LTBP1: variants seen among roughly 807,000 people sequenced by gnomAD.
LTBP1 encodes latent transforming growth factor beta binding protein 1.
Under a neutral mutation model 207.6 loss-of-function variants are expected in LTBP1, and 129 were observed. The ratio of observed to expected loss-of-function variants is 0.62; its 90% CI spans 0.54 to 0.72. LTBP1 has a LOEUF of 0.72. Among genes scored for constraint, LTBP1 ranks in the 30% least tolerant of loss-of-function variants. The pLI, the probability that LTBP1 is intolerant of heterozygous loss-of-function variation, is 0.00. For missense variants in LTBP1, 2,281 were observed against 2,217.2 expected, an observed-to-expected ratio of 1.03 and a Z score of -0.58; for synonymous variants, 963 against 833.7, an observed-to-expected ratio of 1.16 and a Z score of -2.67.
intron 2 of LTBP1, among the ~76,000 whole-genome samples, chr2:32,952,855 G>A (rs1445144870): frequency 6.6e-6 from 1 of 152,216 alleles, no homozygotes; most frequent in Non-Finnish European, 1.5e-5. Flanking sequence ...GGGGTAGAGG[G>A]AAGAGAGATG....
chr2:33,339,573 T>C (rs2094591825), intron 24 of LTBP1, among the ~76,000 whole-genome samples: 1 of 152,124 alleles, frequency 6.6e-6, no homozygotes, highest in African/African-American at 2.4e-5. Context: ...CAGAACAGAT[T>C]TATTGAGTGT....
intron 2 of LTBP1, among the ~76,000 whole-genome samples, chr2:33,001,111 A>G (rs1686013674): frequency 7.4e-6 from 1 of 134,462 alleles, no homozygotes; most frequent in South Asian, 2.6e-4. Flanking sequence ...CTGGCCCATG[A>G]TGCTAACTAT....
At position 33,134,573 on chromosome 2, in the gene LTBP1, G is replaced by C; in HGVS notation, c.1034-220G>C. 2 of 1,534,982 alleles carry C rather than the reference G, an allele frequency of 1.3e-6. No homozygotes were observed. The highest frequency in any genetic ancestry group is 1.8e-6 in the Non-Finnish European group (2 of 1,138,058). On this transcript the variant is annotated intron_variant, in intron 4 of 33. Transcript: ENST00000404816. The surrounding 1 kb of genome is among the most constrained non-coding windows in gnomAD (Gnocchi z 4.4). The stretch of plus-strand genomic sequence containing the variant: ...TGGAGTGCATCCCAGAGTTCTGTTT[G>C]CTAAGCTTCCTACTCCTGTTTCAGA...
chr2:33,144,154 C>T (rs1055726719), intron 5 of LTBP1, among the ~76,000 whole-genome samples: 7 of 151,856 alleles, frequency 4.6e-5, no homozygotes, highest in Admixed American at 4.6e-4. Flanking sequence ...CTTGGTGCTC[C>T]CTGTGCACCC....
At chr2:33,167,938 G>A (rs2148330904) in intron 5 of LTBP1, among the ~76,000 whole-genome samples, 1 of 152,316 alleles carries the variant, frequency 6.6e-6, no homozygotes, top group Admixed American at 6.5e-5. Context: ...GTGGTTTTCA[G>A]TTCAAATGAG....
chr2:33,250,062 C>T (rs2092637900), intron 10 of LTBP1, among the ~76,000 whole-genome samples: 1 of 152,136 alleles, frequency 6.6e-6, no homozygotes, highest in African/African-American at 2.4e-5. Context: ...ATAACAACAC[C>T]AATCACATCA....
At chr2:32,978,304 C>T (rs1028165317) in intron 2 of LTBP1, among the ~76,000 whole-genome samples, 2 of 152,044 alleles carry the variant, frequency 1.3e-5, no homozygotes, top group African/African-American at 4.8e-5. Context: ...GATCTTTTCC[C>T]CATTCATCAT....
rs1157677719 is a variant in LTBP1 at position 33,342,911 on chromosome 2, C to T, written c.3804C>T (p.Arg1268=). Residue 1268 remains arginine (R), a synonymous_variant, in exon 25 of 34, where the codon CGC becomes CGT. Transcript: ENST00000404816. ...GFCDNTAGSF[R]CLCYQGFQAP... is the part of the protein sequence containing the mutation. ...GTGACAATACAGCTGGCTCCTTCCG[C>T]TGCCTCTGTTATCAGGGCTTTCAAG... 3 of 1,614,126 alleles carry T rather than the reference C, an allele frequency of 1.9e-6. No homozygotes were observed. Among genetic ancestry groups the T allele is most frequent in the Non-Finnish European group, 2.5e-6 (3 of 1,179,958 alleles).
intron 3 of LTBP1, among the ~76,000 whole-genome samples, chr2:33,077,464 G>A (rs1558604211): frequency 1.3e-5 from 2 of 152,242 alleles, no homozygotes; most frequent in African/African-American, 2.4e-5. Flanking sequence ...GCTTTTACTC[G>A]TGGCAGAAGG....
intron 8 of LTBP1, among the ~76,000 whole-genome samples, chr2:33,221,235 C>A (rs993242785): frequency 6.6e-6 from 1 of 152,132 alleles, no homozygotes; most frequent in Non-Finnish European, 1.5e-5. Context: ...CTCTAAATTG[C>A]AGAAGAATTC....
At chr2:33,306,140 A>T (rs1291158909) in intron 22 of LTBP1, among the ~76,000 whole-genome samples, 5 of 152,244 alleles carry the variant, frequency 3.3e-5, no homozygotes, top group Admixed American at 3.3e-4. Flanking sequence ...AATTTAAACT[A>T]AACCTAACCC....
chr2:33,214,744 T>C (rs906255673), intron 7 of LTBP1, among the ~76,000 whole-genome samples: 13 of 152,190 alleles, frequency 8.5e-5, no homozygotes, highest in African/African-American at 2.7e-4. Context: ...TCTCAAGGAA[T>C]GCGTGTCACG....
Position 33,003,668 on chromosome 2 carries a change from G to A in LTBP1, c.566-17241G>A, listed in dbSNP as rs1048259776. Among the ~76,000 whole-genome samples the A allele has an allele frequency of 6.5e-4, 99 of 152,182 alleles. 3 individuals are homozygous for A. The highest frequency in any genetic ancestry group is 1.8e-4 in the Non-Finnish European group (12 of 68,034). On this transcript the variant is annotated intron_variant, in intron 2 of 33. Coordinates refer to ENST00000404816, the MANE Select transcript of LTBP1 (RefSeq NM_206943.4). Reference sequence around the variant, plus strand: ...CCTTCCAACCTTGTGGAAAGGGGAGGCAATGAGTGTAGCTCTGGGCATCCA... The same window carrying A: ...CCTTCCAACCTTGTGGAAAGGGGAGACAATGAGTGTAGCTCTGGGCATCCA...
At chr2:33,060,312 C>G (rs576785632) in intron 3 of LTBP1, among the ~76,000 whole-genome samples, 1 of 151,930 alleles carries the variant, frequency 6.6e-6, no homozygotes, top group South Asian at 2.1e-4. Context: ...TTTAATTTCC[C>G]CCTATTTTTA....
intron 3 of LTBP1, among the ~76,000 whole-genome samples, chr2:33,028,732 G>A (rs1439892538): frequency 6.6e-6 from 1 of 152,110 alleles, no homozygotes; most frequent in African/African-American, 2.4e-5. Context: ...ATCTCTGGAT[G>A]TCATAAGGGT....
At chr2:32,993,785 G>A (rs1034623125) in intron 2 of LTBP1, among the ~76,000 whole-genome samples, 3 of 152,186 alleles carry the variant, frequency 2.0e-5, no homozygotes, top group African/African-American at 7.2e-5. Context: ...TGTAACAGAT[G>A]AGGAAACTGA....
chr2:32,995,260 G>T (rs1171584023), intron 2 of LTBP1, among the ~76,000 whole-genome samples: 1 of 152,096 alleles, frequency 6.6e-6, no homozygotes, highest in Admixed American at 6.5e-5. Flanking sequence ...ACAGCCGGTG[G>T]AGATGTTATA....
chr2:33,217,042 A>G (rs983529632), intron 7 of LTBP1, among the ~76,000 whole-genome samples: 3 of 152,090 alleles, frequency 2.0e-5, no homozygotes, highest in African/African-American at 7.2e-5. Flanking sequence ...CCAGCCAGTA[A>G]TTGTTTCTTC....
At chr2:33,094,006 A>G (rs1409949371) in intron 3 of LTBP1, among the ~76,000 whole-genome samples, 2 of 152,194 alleles carry the variant, frequency 1.3e-5, no homozygotes, top group Non-Finnish European at 2.9e-5. Flanking sequence ...TAAAGATGTA[A>G]AAAGAGAGTT....
Sources: allele counts gnomAD v4.1 joint callset (sites outside exome capture counted in the v4.1 genomes callset), GRCh38; gene constraint gnomAD v4.1.1; non-coding constraint Gnocchi (gnomAD v3.1); transcripts MANE v1.5; gene names NCBI Gene and HGNC (gene_info 2026-07-23, HGNC 2026-07-21).